Variants in RPS6KA1 observed in about 807,000 individuals in gnomAD.
RPS6KA1 encodes the protein ribosomal protein S6 kinase A1.
A neutral mutation model predicts 91.3 loss-of-function variants in RPS6KA1; 48 were observed. That is an observed-to-expected ratio of 0.53 (90% CI 0.42 to 0.67). RPS6KA1 has a LOEUF of 0.67. RPS6KA1 is among the 30% of genes least tolerant of loss of function. The pLI is 0.00. For synonymous variants in RPS6KA1, 359 were observed against 384.7 expected, an observed-to-expected ratio of 0.93 and a Z score of 0.78; for missense variants, 719 against 960.5, an observed-to-expected ratio of 0.75 and a Z score of 3.32.
rs2124629653 is a variant in RPS6KA1 at position 26,547,231 on chromosome 1, C to T, written c.268C>T (p.Leu90=). Residue 90 remains leucine (L), a synonymous_variant, in exon 4 of 22, where the codon CTG becomes TTG. Transcript: ENST00000374168. The surrounding 1 kb of genome is among the most constrained non-coding windows in gnomAD (Gnocchi z 4.1). ...AGTCACCCGGCCTGACAGTGGGCACCTGTATGCTATGAAGGTGCTGAAGAA... is the reference window on the plus strand; with the variant it reads ...AGTCACCCGGCCTGACAGTGGGCACTTGTATGCTATGAAGGTGCTGAAGAA... The part of the protein sequence containing the change: ...RKVTRPDSGH[L]YAMKVLKKAT... 6.2e-7 allele frequency: 1 copy of T among 1,614,022 alleles called. No homozygotes were observed. Among genetic ancestry groups the T allele is most frequent in the South Asian group, 1.1e-5 (1 of 91,068 alleles).
At chr1:26,559,369 T>C (rs2124650474) in intron 14 of RPS6KA1, among the ~76,000 whole-genome samples, 1 of 152,162 alleles carries the variant, frequency 6.6e-6, no homozygotes, top group East Asian at 1.9e-4. Flanking sequence ...TTGGGGTTTT[T>C]TGTTTGTTTG....
intron 1 of RPS6KA1, 60 bp downstream of exon 1, chr1:26,530,043 G>A (rs947336301): frequency 1.8e-4 from 211 of 1,186,718 alleles, no homozygotes; most frequent in Non-Finnish European, 2.1e-4. Context: ...CCTCACAGGG[G>A]CGGGGCGGCC....
At chr1:26,557,155 A>C (rs1285443169) in intron 13 of RPS6KA1, 55 bp downstream of exon 13, 1 of 1,402,098 alleles carries the variant, frequency 7.1e-7, no homozygotes, top group African/African-American at 1.4e-5. Context: ...GGAAGCCGGG[A>C]GTCGGTGGCA....
At chr1:26,562,184 A>G (rs550727313) in intron 17 of RPS6KA1, among the ~76,000 whole-genome samples, 1 of 152,346 alleles carries the variant, frequency 6.6e-6, no homozygotes, top group Non-Finnish European at 1.5e-5. Flanking sequence ...AGCCTGGGCA[A>G]CAGAGCGAAA....
chr1:26,554,321 G>A lies in RPS6KA1; in HGVS notation c.613+70G>A. 6.9e-7 allele frequency: 1 copy of A among 1,458,230 alleles called. No homozygotes were observed. Among genetic ancestry groups the A allele is most frequent in the Non-Finnish European group, 9.3e-7 (1 of 1,071,048 alleles). 90.3% of individuals were successfully genotyped at this position (1,458,230 alleles called of 1,614,324 possible). A position where few individuals can be genotyped will look rare whatever the true frequency, so the allele number is the denominator to read the frequency against. On this transcript the variant is annotated intron_variant, in intron 8 of 21. Coordinates refer to ENST00000374168, the MANE Select transcript of RPS6KA1 (RefSeq NM_002953.4). The surrounding 1 kb of genome is among the most constrained non-coding windows in gnomAD (Gnocchi z 4.6). Reference sequence around the variant, plus strand: ...GACAAGGTCATGATAGGTCTCGGCTGAGTGCTGGGGGCTCATTCTTCCCGA... The same window carrying A: ...GACAAGGTCATGATAGGTCTCGGCTAAGTGCTGGGGGCTCATTCTTCCCGA...
Position 26,558,816 on chromosome 1 carries a change from G to A in RPS6KA1, c.1094G>A (p.Gly365Asp). Residue 365 changes from glycine to aspartate, a missense_variant, in exon 14 of 22, where the codon GGC becomes GAC. This residue lies in a region of RPS6KA1 where 228 missense variants were observed against 247.6 expected (regional missense o/e 0.92). Coordinates refer to ENST00000374168, the MANE Select transcript of RPS6KA1 (RefSeq NM_002953.4). This position sits in a 1 kb window ranked among gnomAD's most constrained non-coding sequence, Gnocchi z 4.0. The part of the protein sequence containing the change: ...FTSRTPKDSP[G>D]IPPSAGAHQL... ...CCTTCCATCCGTACAGATTCCCCAGGCATCCCCCCCAGCGCTGGGGCCCAT... is the reference window on the plus strand; with the variant it reads ...CCTTCCATCCGTACAGATTCCCCAGACATCCCCCCCAGCGCTGGGGCCCAT... 2 of 1,608,202 alleles carry A rather than the reference G, an allele frequency of 1.2e-6. No individual in the cohort carries two copies. Among genetic ancestry groups the A allele is most frequent in the South Asian group, 1.1e-5 (1 of 90,860 alleles).
chr1:26,563,710 G>A (rs937855298), intron 17 of RPS6KA1, among the ~76,000 whole-genome samples: 18 of 152,002 alleles, frequency 1.2e-4, no homozygotes, highest in African/African-American at 1.9e-4. Flanking sequence ...TTTGTCTGTC[G>A]GCTGCCTCCT....
At chr1:26,573,142 G>A in intron 20 of RPS6KA1, 82 bp from the exon 21 acceptor site, 2 of 1,438,642 alleles carry the variant, frequency 1.4e-6, no homozygotes, top group Non-Finnish European at 1.9e-6. Flanking sequence ...GAGCTAGCAG[G>A]AGATGGTTGC....
chr1:26,545,334 A>AG (rs2075983968), intron 2 of RPS6KA1, among the ~76,000 whole-genome samples: 1 of 71,306 alleles, frequency 1.4e-5, no homozygotes, highest in Non-Finnish European at 2.9e-5. Flanking sequence ...ACGCCTGGCC[A>AG]ATTTTTTTTT....
Position 26,536,916 on chromosome 1 carries a change from C to G in RPS6KA1, c.64-9C>G. 6.2e-7 allele frequency: 1 copy of G among 1,614,086 alleles called. No individual in the cohort carries two copies. Among genetic ancestry groups the G allele is most frequent in the Non-Finnish European group, 8.5e-7 (1 of 1,179,944 alleles). Reference sequence around the variant, plus strand: ...ACAGTGCTCCCCCAATCTCCTTTCTCTTTTCCAGAATGGACAGACCTCAGG... The same window carrying G: ...ACAGTGCTCCCCCAATCTCCTTTCTGTTTTCCAGAATGGACAGACCTCAGG... On this transcript the variant is annotated splice_polypyrimidine_tract_variant and intron_variant, in intron 1 of 21. Transcript: ENST00000374168.
intron 1 of RPS6KA1, among the ~76,000 whole-genome samples, chr1:26,533,995 A>G (rs2075888046): frequency 6.6e-6 from 1 of 152,158 alleles, no homozygotes; most frequent in Admixed American, 6.5e-5. Flanking sequence ...AATGACACCC[A>G]AGCCAGAGAT....
intron 13 of RPS6KA1, among the ~76,000 whole-genome samples, chr1:26,557,555 C>T (rs1429526152): frequency 1.3e-5 from 2 of 152,102 alleles, no homozygotes; most frequent in African/African-American, 2.4e-5. Flanking sequence ...GCCCGGCCTC[C>T]GTGTACTTAT....
rs2076087597 is a variant in RPS6KA1, at chr1:26,555,083, AC to A, written c.757-67del. The A allele has an allele frequency of 1.3e-6, 2 of 1,485,352 alleles. No individual in the cohort carries two copies. Among genetic ancestry groups the A allele is most frequent in the South Asian group, 1.1e-5 (1 of 87,754 alleles). The allele number at this position is 1,485,352 out of a possible 1,614,324, so 92.0% of individuals were successfully genotyped here. A position where few individuals can be genotyped will look rare whatever the true frequency, so the allele number is the denominator to read the frequency against. Reference sequence around the variant, plus strand: ...CCTGGGACTGGGGCAGAGGGGTCTGACTGGGAGGAGGCGGGAGGTGTGTCGG... The same window carrying A: ...CCTGGGACTGGGGCAGAGGGGTCTGATGGGAGGAGGCGGGAGGTGTGTCGG... On this transcript the variant is annotated intron_variant, in intron 9 of 21. Transcript: ENST00000374168. The surrounding 1 kb of genome is among the most constrained non-coding windows in gnomAD (Gnocchi z 4.3).
rs1056947970 is a variant in RPS6KA1, at chr1:26,561,487, T to A, written c.1432-18T>A. 1.2e-6 allele frequency: 2 copies of A among 1,613,938 alleles called. No individual in the cohort carries two copies. The highest frequency in any genetic ancestry group is 1.7e-6 in the Non-Finnish European group (2 of 1,179,984). ...CCTGACACTGGGGAGAAGAGCCTGA[T>A]GGTGAGGTCTTCGGCAGGTGTATGA... On this transcript the variant is annotated intron_variant, in intron 16 of 21. Coordinates refer to ENST00000374168, the MANE Select transcript of RPS6KA1 (RefSeq NM_002953.4). This position sits in a 1 kb window ranked among gnomAD's most constrained non-coding sequence, Gnocchi z 5.7.
At chr1:26,565,652 C>G (rs2076194384) in intron 17 of RPS6KA1, among the ~76,000 whole-genome samples, 1 of 151,860 alleles carries the variant, frequency 6.6e-6, no homozygotes, top group South Asian at 2.1e-4. Flanking sequence ...ACCTCTGCCT[C>G]CCAGGTTCAA....
At position 26,536,943 on chromosome 1, in the gene RPS6KA1, G is replaced by A. The variant is rs763195631; in HGVS notation, c.82G>A (p.Glu28Lys). 13 of 1,614,032 alleles carry A rather than the reference G, an allele frequency of 8.1e-6. No homozygotes were observed. The South Asian group carries it at 9.9e-5, about 12-fold the overall frequency. Residue 28 changes from glutamate to lysine, a missense_variant, in exon 2 of 22, where the codon GAA becomes AAA. Coordinates refer to ENST00000374168, the MANE Select transcript of RPS6KA1 (RefSeq NM_002953.4). The part of the protein sequence containing the change: ...LDPENGQTSG[E>K]EAGLQPSKDE... ...TTTCCAGAATGGACAGACCTCAGGGGAAGAAGCTGGACTTCAGCCGTCCAA... is the reference window on the plus strand; with the variant it reads ...TTTCCAGAATGGACAGACCTCAGGGAAAGAAGCTGGACTTCAGCCGTCCAA...
Position 26,572,224 on chromosome 1 carries a change from A to T in RPS6KA1, c.1878A>T (p.Leu626=). 6.2e-7 allele frequency: 1 copy of T among 1,614,024 alleles called. No individual in the cohort carries two copies. Residue 626 remains leucine, a synonymous_variant, in exon 20 of 22, where the codon CTA becomes CTT. Coordinates refer to ENST00000374168, the MANE Select transcript of RPS6KA1 (RefSeq NM_002953.4). ...NGPSDTPEEI[L]TRIGSGKFTL... ...CCAGTGACACACCAGAGGAAATCCT[A>T]ACCCGGATCGGCAGTGGGAAGTTTA...
Position 26,554,279 on chromosome 1 carries a change from G to T in RPS6KA1, c.613+28G>T. On this transcript the variant is annotated intron_variant, in intron 8 of 21. Coordinates refer to ENST00000374168, the MANE Select transcript of RPS6KA1 (RefSeq NM_002953.4). This position sits in a 1 kb window ranked among gnomAD's most constrained non-coding sequence, Gnocchi z 4.6. Reference sequence around the variant, plus strand: ...GAGTGGAGGGCGCCTGCCCCCTCGGGACCCAGGGGAGGACAGGACAAGGTC... The same window carrying T: ...GAGTGGAGGGCGCCTGCCCCCTCGGTACCCAGGGGAGGACAGGACAAGGTC... 1 of 1,554,150 alleles carries T rather than the reference G, an allele frequency of 6.4e-7. No individual in the cohort carries two copies. Among genetic ancestry groups the T allele is most frequent in the South Asian group, 1.2e-5 (1 of 84,222 alleles).
chr1:26,530,892 G>T (rs1372858756), intron 1 of RPS6KA1: 2 of 1,271,144 alleles, frequency 1.6e-6, no homozygotes, highest in Admixed American at 4.8e-5. Flanking sequence ...CTCTTGCTGG[G>T]AAGGAAGCAG....
Sources: allele counts gnomAD v4.1 joint callset (sites outside exome capture counted in the v4.1 genomes callset), GRCh38; gene constraint gnomAD v4.1.1; regional missense constraint gnomAD v4.1.1; non-coding constraint Gnocchi (gnomAD v3.1); transcripts MANE v1.5; gene names NCBI Gene and HGNC (gene_info 2026-07-23, HGNC 2026-07-21).